The following USP7 variants were observed in gnomAD, a reference collection of about 807,000 sequenced individuals.
USP7 encodes the protein ubiquitin specific peptidase 7, also known as ubiquitin C-terminal hydrolase 7.
In USP7, 9 loss-of-function variants were observed where a neutral mutation model predicts 162.9. That is an observed-to-expected ratio of 0.06 (90% confidence interval 0.03 to 0.10). The LOEUF (loss-of-function observed/expected upper bound fraction) is 0.10, where lower values mean the gene tolerates loss of function less well. USP7 is among the 10% of genes least tolerant of loss of function. The probability of loss-of-function intolerance (pLI) is 1.00; values close to 1 mark genes in which losing one functional copy is unlikely to be tolerated. For missense variants in USP7, 715 were observed against 1,373.7 expected (o/e 0.52, Z 7.58); for synonymous variants, 562 against 475.9 (o/e 1.18, Z -2.35).
chr16:8,920,143 A>C (rs182804283), intron 5 of USP7, among the ~76,000 whole-genome samples: 1 of 152,304 alleles, frequency 6.6e-6, no homozygotes, highest in East Asian at 1.9e-4. Flanking sequence ...AGTTGCCATA[A>C]TTATACAATT....
Position 8,910,392 on chromosome 16 carries a change from A to G in USP7, c.1161+353T>C, listed in dbSNP as rs1000610032. On this transcript the variant is annotated intron_variant, in intron 11 of 30. Transcript: ENST00000344836. ...ATACATTTAAAAATAAAGAAACACA[A>G]CCTAAACACAGTCCAACTTACTAAG... 6.6e-5 allele frequency among the ~76,000 whole-genome samples: 10 copies of G among 152,144 alleles called. No homozygotes were observed. In the East Asian group the frequency reaches 1.2e-3, roughly 18 times the overall value.
chr16:8,939,768 C>G (rs1898946977), intron 1 of USP7, among the ~76,000 whole-genome samples: 1 of 152,178 alleles, frequency 6.6e-6, no homozygotes, highest in Admixed American at 6.5e-5. Flanking sequence ...TTAATAACTC[C>G]AAAACATTGT....
intron 1 of USP7, among the ~76,000 whole-genome samples, chr16:8,933,373 T>A (rs1477905521): frequency 6.6e-6 from 1 of 152,148 alleles, no homozygotes; most frequent in African/African-American, 2.4e-5. Context: ...ATAGTGAGAT[T>A]CCCAACTCTA....
intron 1 of USP7, among the ~76,000 whole-genome samples, chr16:8,945,499 C>T (rs1011058286): frequency 1.3e-5 from 2 of 152,164 alleles, no homozygotes; most frequent in African/African-American, 4.8e-5. Flanking sequence ...AACCTATAAA[C>T]CAACAGACAC....
intron 1 of USP7, among the ~76,000 whole-genome samples, chr16:8,959,542 ATT>A (rs1391715708): frequency 6.6e-6 from 1 of 152,138 alleles, no homozygotes; most frequent in African/African-American, 2.4e-5. Context: ...GTTTGGCCTA[ATT>A]TCTCTCTACT....
At chr16:8,918,502 A>G (rs1334371245) in intron 6 of USP7, among the ~76,000 whole-genome samples, 1 of 152,298 alleles carries the variant, frequency 6.6e-6, no homozygotes, top group East Asian at 1.9e-4. Flanking sequence ...TTCTAACACA[A>G]TTTTAAGTCT....
At chr16:8,934,692 G>A (rs1486880169) in intron 1 of USP7, among the ~76,000 whole-genome samples, 1 of 152,198 alleles carries the variant, frequency 6.6e-6, no homozygotes, top group Non-Finnish European at 1.5e-5. Context: ...GAGTTGGTGT[G>A]GCCAATCTGC....
At chr16:8,915,670 T>C (rs990182334) in intron 8 of USP7, 145 bp from the exon 9 acceptor site, 1 of 739,328 alleles carries the variant, frequency 1.4e-6, no homozygotes, top group Non-Finnish European at 2.2e-6. Flanking sequence ...CTCAAAAACA[T>C]ACAAAATCTT....
intron 1 of USP7, among the ~76,000 whole-genome samples, chr16:8,944,369 T>G (rs1038786357): frequency 7.2e-5 from 11 of 152,148 alleles, no homozygotes; most frequent in African/African-American, 2.7e-4. Flanking sequence ...CCTGGGCTAT[T>G]TGTGGCCTGG....
intron 1 of USP7, chr16:8,956,165 G>A (rs762005830): frequency 1.3e-5 from 2 of 152,190 alleles, no homozygotes; most frequent in East Asian, 1.9e-4. Context: ...TTACTGGCAT[G>A]TAATCAAAAA....
intron 2 of USP7, among the ~76,000 whole-genome samples, chr16:8,923,761 T>A (rs1412607812): frequency 6.6e-6 from 1 of 152,118 alleles, no homozygotes; most frequent in African/African-American, 2.4e-5. Flanking sequence ...AGGAACGACA[T>A]GGCTCATATC....
In USP7 at chr16:8,903,291, C is replaced by T. The variant is rs750439046; in HGVS notation, c.1816G>A (p.Val606Ile). 1.2e-6 allele frequency: 2 copies of T among 1,614,008 alleles called. No individual in the cohort carries two copies. Among genetic ancestry groups the T allele is most frequent in the Non-Finnish European group, 1.7e-6 (2 of 1,179,956 alleles). ...VLKNSSLAEF[V>I]QSLSQTMGFP... ...ACCATGGTCTGAGAGAGGCTCTGAA[C>T]AAACTCAGCAAGCGAGGAGTTCTTC... The change falls in exon 16 of 31, where the codon GTT becomes ATT. Residue 606 changes from valine to isoleucine, a missense_variant. By Grantham distance (29) the Val-to-Ile change is conservative. Coordinates refer to ENST00000344836, the MANE Select transcript of USP7 (RefSeq NM_003470.3).
intron 10 of USP7, among the ~76,000 whole-genome samples, chr16:8,914,392 C>A (rs2061997162): frequency 6.6e-6 from 1 of 151,018 alleles, no homozygotes; most frequent in Admixed American, 6.6e-5. Context: ...GACATACGCA[C>A]ACCCTACAGG....
At chr16:8,897,899 G>A (rs564413217) in intron 25 of USP7, among the ~76,000 whole-genome samples, 2 of 150,548 alleles carry the variant, frequency 1.3e-5, no homozygotes, top group Admixed American at 6.6e-5. Flanking sequence ...ACCCTGTCTC[G>A]AAAAAGAACC....
At chr16:8,900,755 G>T in intron 20 of USP7, 125 bp from the exon 21 acceptor site, 1 of 767,706 alleles carries the variant, frequency 1.3e-6, no homozygotes, top group Non-Finnish European at 2.0e-6. Flanking sequence ...AAGTTAAAAT[G>T]TTAACAGGAA....
chr16:8,960,192 C>G (rs888106231), intron 1 of USP7, among the ~76,000 whole-genome samples: 1 of 152,176 alleles, frequency 6.6e-6, no homozygotes, highest in Non-Finnish European at 1.5e-5. Flanking sequence ...ATCATGCCAC[C>G]ACCTCCACAG....
intron 1 of USP7, among the ~76,000 whole-genome samples, chr16:8,938,204 T>C (rs1287448366): frequency 6.6e-6 from 1 of 152,092 alleles, no homozygotes; most frequent in African/African-American, 2.4e-5. Context: ...TGCTTTTAAA[T>C]ATGGATATTC....
At chr16:8,923,964 G>T (rs1406471279) in intron 2 of USP7, among the ~76,000 whole-genome samples, 1 of 152,100 alleles carries the variant, frequency 6.6e-6, no homozygotes, top group Admixed American at 6.5e-5. Flanking sequence ...ATTGGTTCAC[G>T]ATTTTTGCAA....
At chr16:8,957,351 T>C (rs957236523) in intron 1 of USP7, among the ~76,000 whole-genome samples, 1 of 152,230 alleles carries the variant, frequency 6.6e-6, no homozygotes. Flanking sequence ...TCATGGTACA[T>C]GGCAAGAAAT....
Sources: gnomAD v4.1 joint callset for allele counts (sites outside exome capture counted in the v4.1 genomes callset) on GRCh38, gnomAD v4.1.1 for gene constraint, MANE v1.5 for transcripts, NCBI Gene and HGNC (gene_info 2026-07-23, HGNC 2026-07-21) for gene names.